Variants in ROBO1 observed in about 807,000 individuals in gnomAD.
ROBO1 encodes the protein roundabout guidance receptor 1, also known as roundabout homolog 1.
ROBO1 carries 149 observed loss-of-function variants against 195.9 expected under a neutral mutation model. The observed-to-expected ratio is 0.76, with a 90% CI of 0.67 to 0.87. The LOEUF is 0.87. Ranked by LOEUF, ROBO1 falls within the 40% of genes least tolerant of loss-of-function variation. ROBO1 has a pLI of 0.00. For missense variants in ROBO1, 1,933 were observed against 2,068.3 expected, an observed-to-expected ratio of 0.93 and a Z score of 1.27; for synonymous variants, 816 against 733.2, an observed-to-expected ratio of 1.11 and a Z score of -1.82.
intron 4 of ROBO1, among the ~76,000 whole-genome samples, chr3:78,911,839 A>T (rs2038262356): frequency 6.6e-6 from 1 of 152,056 alleles, no homozygotes; most frequent in South Asian, 2.1e-4. Flanking sequence ...CTATAACGCA[A>T]AGCAGGCAAA....
At chr3:78,968,963 C>T (rs2076706826) in intron 3 of ROBO1, among the ~76,000 whole-genome samples, 1 of 152,032 alleles carries the variant, frequency 6.6e-6, no homozygotes, top group African/African-American at 2.4e-5. Context: ...AAGGAAGGCT[C>T]AAAATAGTTA....
intron 1 of ROBO1, among the ~76,000 whole-genome samples, chr3:79,700,316 T>TG (rs1491167307): frequency 3.6e-4 from 36 of 98,646 alleles, no homozygotes; most frequent in Middle Eastern, 5.5e-3. Context: ...TGTGTGTGTG[T>TG]TTGTGTGTGT....
At chr3:79,514,371 C>A (rs1291791241) in intron 2 of ROBO1, among the ~76,000 whole-genome samples, 2 of 152,110 alleles carry the variant, frequency 1.3e-5, no homozygotes, top group Non-Finnish European at 2.9e-5. Context: ...CTCTTCTTTT[C>A]AAAATACTTC....
chr3:79,240,953 A>G (rs1469599579), intron 2 of ROBO1, among the ~76,000 whole-genome samples: 3 of 152,076 alleles, frequency 2.0e-5, no homozygotes, highest in Non-Finnish European at 4.4e-5. Flanking sequence ...CATTTTTTTA[A>G]CTTTGAAAAT....
At chr3:79,512,394 T>A in intron 2 of ROBO1, among the ~76,000 whole-genome samples, 1 of 152,296 alleles carries the variant, frequency 6.6e-6, no homozygotes, top group South Asian at 2.1e-4. Context: ...TTAGAATAGC[T>A]TATCTATTTA....
At chr3:78,606,647 C>T (rs907539057) in intron 29 of ROBO1, 86 bp downstream of exon 29, 6 of 1,375,490 alleles carry the variant, frequency 4.4e-6, no homozygotes, top group Non-Finnish European at 6.0e-6. Flanking sequence ...AATCTTACCA[C>T]TTTTTACATG....
intron 2 of ROBO1, among the ~76,000 whole-genome samples, chr3:79,550,197 A>AAAGAAAGAAAGAAAGAAAG (rs142251104): frequency 2.6e-4 from 5 of 19,294 alleles, no homozygotes; most frequent in African/African-American, 7.1e-4. Flanking sequence ...GAAAGAAAGG[A>AAAGAAAGAAAGAAAGAAAG]AAAGAAAAGA....
In ROBO1 at chr3:79,751,671, A is replaced by T. The variant is rs187877354; in HGVS notation, c.-51+16081T>A. Among the ~76,000 whole-genome samples, 35 of 152,270 alleles carry T rather than the reference A, an allele frequency of 2.3e-4. No individual in the cohort carries two copies. In the East Asian group the frequency reaches 6.6e-3, roughly 29 times the overall value. On this transcript the variant is annotated intron_variant, in intron 1 of 30. Transcript: ENST00000464233. ...AAGGCTTAAATATTTAAGGATGGTT[A>T]TCGTATTTCAATGTATCTTGCAATT...
chr3:79,291,796 T>C (rs191078939), intron 2 of ROBO1, among the ~76,000 whole-genome samples: 218 of 152,272 alleles, frequency 1.4e-3, no homozygotes, highest in Non-Finnish European at 1.5e-3. Context: ...ATATGATACA[T>C]ACTCCTGTGA....
rs568891043 is a variant in ROBO1, at chr3:78,883,139, T to C, written c.499+55462A>G. ...TTCCCAATCTTTTCTCTCATCTTCT[T>C]CTCTACGGCAGAAGCACTGAGACAA... On this transcript the variant is annotated intron_variant, in intron 4 of 30. Coordinates refer to ENST00000464233, the MANE Select transcript of ROBO1 (RefSeq NM_002941.4). 9.2e-5 allele frequency among the ~76,000 whole-genome samples: 14 copies of C among 152,104 alleles called. No individual in the cohort carries two copies. In the South Asian group the frequency reaches 2.7e-3, roughly 29 times the overall value.
At chr3:79,572,544 C>CT (rs1213842800) in intron 2 of ROBO1, among the ~76,000 whole-genome samples, 10 of 151,772 alleles carry the variant, frequency 6.6e-5, no homozygotes, top group Admixed American at 2.0e-4. Flanking sequence ...CTATGCTTAT[C>CT]TTTTTTTAAG....
chr3:78,640,347 G>C (rs1705865006), intron 21 of ROBO1, among the ~76,000 whole-genome samples: 1 of 151,984 alleles, frequency 6.6e-6, no homozygotes, highest in Non-Finnish European at 1.5e-5. Context: ...TCAGACAATA[G>C]ATTCTTCAAA....
intron 1 of ROBO1, among the ~76,000 whole-genome samples, chr3:79,670,729 A>C (rs1242789364): frequency 6.6e-6 from 1 of 151,850 alleles, no homozygotes; most frequent in Non-Finnish European, 1.5e-5. Context: ...ATTCAAACTG[A>C]AGTTATTTAG....
At chr3:79,387,798 C>T (rs2036809168) in intron 2 of ROBO1, among the ~76,000 whole-genome samples, 1 of 152,096 alleles carries the variant, frequency 6.6e-6, no homozygotes, top group Non-Finnish European at 1.5e-5. Flanking sequence ...TGAAACTTTG[C>T]AATAGCAATA....
Position 78,670,288 on chromosome 3 carries a change from C to G in ROBO1, c.1356G>C (p.Arg452=). ...YLEVTDVIAD[R]PPPVIRQGPV... is the part of the protein sequence containing the mutation. ...GACCTTGTCGAATAACTGGGGGAGG[C>G]CGATCTGCAATCACTGCCAGAAGAA... Residue 452 remains arginine, a synonymous_variant, in exon 11 of 31, where the codon CGG becomes CGC. Coordinates refer to ENST00000464233, the MANE Select transcript of ROBO1 (RefSeq NM_002941.4). The G allele has an allele frequency of 1.3e-6, 2 of 1,563,056 alleles. No individual in the cohort carries two copies. The highest frequency in any genetic ancestry group is 1.7e-6 in the Non-Finnish European group (2 of 1,152,968).
At chr3:78,667,817 T>A in intron 14 of ROBO1, 66 bp downstream of exon 14, 1 of 1,477,654 alleles carries the variant, frequency 6.8e-7, no homozygotes, top group Non-Finnish European at 9.3e-7. Flanking sequence ...CACAAGTGAT[T>A]TGTCAGTGCA....
At chr3:78,961,622 A>G (rs1310564684) in intron 3 of ROBO1, among the ~76,000 whole-genome samples, 1 of 152,210 alleles carries the variant, frequency 6.6e-6, no homozygotes, top group Non-Finnish European at 1.5e-5. Context: ...ACTGAGGCAC[A>G]GAAATGAAAT....
At chr3:79,258,720 A>G (rs528443660) in intron 2 of ROBO1, among the ~76,000 whole-genome samples, 2 of 152,232 alleles carry the variant, frequency 1.3e-5, no homozygotes, top group South Asian at 2.1e-4. Context: ...TAAATATTCT[A>G]TTTCCACTGG....
At chr3:78,828,719 G>A (rs2031869863) in intron 4 of ROBO1, among the ~76,000 whole-genome samples, 1 of 152,110 alleles carries the variant, frequency 6.6e-6, no homozygotes, top group African/African-American at 2.4e-5. Context: ...TTCAAGACAA[G>A]CAAACTGTTG....
Sources: gnomAD v4.1 joint callset for allele counts (sites outside exome capture counted in the v4.1 genomes callset) on GRCh38, gnomAD v4.1.1 for gene constraint, MANE v1.5 for transcripts, NCBI Gene and HGNC (gene_info 2026-07-23, HGNC 2026-07-21) for gene names.